Variants in PHACTR1 observed in about 807,000 individuals in gnomAD.
PHACTR1 encodes the protein phosphatase and actin regulator 1, also known as RPEL repeat containing 1.
Under a neutral mutation model 69.2 loss-of-function variants are expected in PHACTR1, and 16 were observed. That is an observed-to-expected ratio of 0.23 (90% CI 0.16 to 0.35). PHACTR1 has a LOEUF of 0.35. Ranked by LOEUF, PHACTR1 falls within the 10% of genes least tolerant of loss-of-function variation. PHACTR1 has a pLI of 1.00. For missense variants in PHACTR1, 510 were observed against 734.7 expected (o/e 0.69, Z 3.54); for synonymous variants, 312 against 284.5 (o/e 1.10, Z -0.97).
intron 4 of PHACTR1, among the ~76,000 whole-genome samples, chr6:12,858,818 A>G (rs1248186318): frequency 2.0e-5 from 3 of 151,930 alleles, no homozygotes; most frequent in Admixed American, 2.0e-4. Context: ...ACACACACAC[A>G]CACACACACC....
At chr6:12,954,563 T>C (rs1323256886) in intron 4 of PHACTR1, among the ~76,000 whole-genome samples, 2 of 151,886 alleles carry the variant, frequency 1.3e-5, no homozygotes, top group African/African-American at 4.8e-5. Context: ...AGAGAGAGGA[T>C]GTGTAGAAAG....
chr6:13,167,858 C>T (rs978325146), intron 6 of PHACTR1, among the ~76,000 whole-genome samples: 19 of 152,256 alleles, frequency 1.2e-4, no homozygotes, highest in African/African-American at 4.3e-4. Flanking sequence ...TCGCATTTTT[C>T]GTCTTCTGAC....
At chr6:13,251,774 TG>T (rs879882937) in intron 10 of PHACTR1, among the ~76,000 whole-genome samples, 9,339 of 151,958 alleles carry the variant, frequency 0.061, 522 homozygotes, top group African/African-American at 0.15. Context: ...GAAGAATTAG[TG>T]AAAAATCATT....
At chr6:12,833,951 A>G (rs1426987390) in intron 4 of PHACTR1, among the ~76,000 whole-genome samples, 1 of 152,094 alleles carries the variant, frequency 6.6e-6, no homozygotes, top group African/African-American at 2.4e-5. Flanking sequence ...ATTATCCTGT[A>G]GCTGCATCGT....
chr6:13,162,922 A>T lies in PHACTR1; in HGVS notation c.496+2638A>T, dbSNP rs1187387126. On this transcript the variant is annotated intron_variant, in intron 6 of 14. Coordinates refer to ENST00000332995, the MANE Select transcript of PHACTR1 (RefSeq NM_030948.6). ...CACTTGCTTCTTTCTCCATCAGCAC[A>T]CATGGAGCTGACACAGGACCTGCAC... is the stretch of plus-strand genomic sequence containing the variant. Among the ~76,000 whole-genome samples, 3 of 152,064 alleles carry T rather than the reference A, an allele frequency of 2.0e-5. No individual in the cohort carries two copies. The East Asian group carries it at 5.8e-4, about 29-fold the overall frequency.
At chr6:13,199,075 G>A (rs1275731843) in intron 7 of PHACTR1, among the ~76,000 whole-genome samples, 3 of 152,228 alleles carry the variant, frequency 2.0e-5, no homozygotes, top group East Asian at 1.9e-4. Flanking sequence ...CCCTAATGAG[G>A]CTGATGGAAA....
rs369819375 is a variant in PHACTR1 at position 12,787,233 on chromosome 6, G to C, written c.250+37443G>C. Among the ~76,000 whole-genome samples, 37 of 152,310 alleles carry C rather than the reference G, an allele frequency of 2.4e-4. No individual in the cohort carries two copies. The South Asian group carries it at 5.4e-3, about 22-fold the overall frequency. ...AATGCCAGTCTTTTCCATTGAAAAGGTTGCTGTTTTAAAGTTAGAACTTCT... is the reference window on the plus strand; with the variant it reads ...AATGCCAGTCTTTTCCATTGAAAAGCTTGCTGTTTTAAAGTTAGAACTTCT... On this transcript the variant is annotated intron_variant, in intron 4 of 14. Coordinates refer to ENST00000332995, the MANE Select transcript of PHACTR1 (RefSeq NM_030948.6).
At chr6:12,949,353 G>A (rs573024052) in intron 4 of PHACTR1, among the ~76,000 whole-genome samples, 11 of 151,622 alleles carry the variant, frequency 7.3e-5, no homozygotes, top group Middle Eastern at 6.9e-3. Context: ...CCACAGTGGA[G>A]ATACAACCTA....
chr6:13,182,438 A>T, intron 6 of PHACTR1, 81 bp from the exon 7 acceptor site: 1 of 1,457,624 alleles, frequency 6.9e-7, no homozygotes, highest in Non-Finnish European at 9.6e-7. Context: ...AGCAGCATCT[A>T]GACTCAGCAG....
At chr6:13,167,224 C>T (rs1452885597) in intron 6 of PHACTR1, among the ~76,000 whole-genome samples, 2 of 152,206 alleles carry the variant, frequency 1.3e-5, no homozygotes, top group Non-Finnish European at 2.9e-5. Context: ...ATTGCTATTA[C>T]TGGCTGTTGC....
chr6:12,922,307 T>C (rs907949297), intron 4 of PHACTR1, among the ~76,000 whole-genome samples: 3 of 152,326 alleles, frequency 2.0e-5, no homozygotes, highest in Admixed American at 1.3e-4. Context: ...TTGAGGGTAA[T>C]GTTTAGCAAA....
At chr6:12,865,595 G>A (rs763493589) in intron 4 of PHACTR1, among the ~76,000 whole-genome samples, 1 of 152,242 alleles carries the variant, frequency 6.6e-6, no homozygotes, top group East Asian at 1.9e-4. Context: ...GCAGTGGCGT[G>A]CTCAGTAGTC....
rs11756942 is a variant in PHACTR1, at chr6:13,255,390, T to C, written c.1392-17470T>C. ...TGGGTAGGGACACAGATCCAAACCA[T>C]ATCATTCTGCCCCTGGCGCCTCCCA... On this transcript the variant is annotated intron_variant, in intron 10 of 14. Coordinates refer to ENST00000332995, the MANE Select transcript of PHACTR1 (RefSeq NM_030948.6). Among the ~76,000 whole-genome samples the C allele has an allele frequency of 5.3e-3, 806 of 152,248 alleles. 9 individuals carry two copies. Among genetic ancestry groups the C allele is most frequent in the African/African-American group, 0.017 (719 of 41,556 alleles).
In PHACTR1 at chr6:12,757,973, G is replaced by A. The variant is rs148489354; in HGVS notation, c.250+8183G>A. 5.9e-5 allele frequency among the ~76,000 whole-genome samples: 9 copies of A among 152,216 alleles called. No individual in the cohort carries two copies. In the East Asian group the frequency reaches 7.7e-4, roughly 13 times the overall value. ...CTAAAATACAAAAAATCAGTCTGAC[G>A]TGGTGGTGTGTACCTGCAGTCCCAG... On this transcript the variant is annotated intron_variant, in intron 4 of 14. Coordinates refer to ENST00000332995, the MANE Select transcript of PHACTR1 (RefSeq NM_030948.6).
intron 1 of PHACTR1, 97 bp downstream of exon 1, chr6:12,716,993 C>G (rs1048035975): frequency 6.6e-6 from 1 of 152,044 alleles, no homozygotes; most frequent in Non-Finnish European, 1.5e-5. Flanking sequence ...GTGGGGATCT[C>G]CCACAAAATC....
intron 4 of PHACTR1, among the ~76,000 whole-genome samples, chr6:12,802,058 T>C (rs558065958): frequency 9.8e-5 from 14 of 142,830 alleles, no homozygotes; most frequent in Non-Finnish European, 1.9e-4. Flanking sequence ...ATATGCCCTT[T>C]AAGTCATAGG....
chr6:13,000,349 A>T (rs962266428), intron 4 of PHACTR1, among the ~76,000 whole-genome samples: 6 of 152,120 alleles, frequency 3.9e-5, no homozygotes, highest in African/African-American at 1.4e-4. Context: ...GGAGTTCAAG[A>T]CTAGCCTGGG....
intron 5 of PHACTR1, among the ~76,000 whole-genome samples, chr6:13,084,967 AGC>A (rs1432814928): frequency 6.6e-6 from 1 of 152,162 alleles, no homozygotes; most frequent in Non-Finnish European, 1.5e-5. Flanking sequence ...TATGGCAATT[AGC>A]GTAGAATAAA....
intron 5 of PHACTR1, among the ~76,000 whole-genome samples, chr6:13,075,310 G>A (rs1381046197): frequency 1.3e-5 from 2 of 152,130 alleles, no homozygotes; most frequent in Admixed American, 6.6e-5. Context: ...CCCCAAGGTC[G>A]CGTGGCTCTT....
Sources: gnomAD v4.1 joint callset for allele counts (sites outside exome capture counted in the v4.1 genomes callset) on GRCh38, gnomAD v4.1.1 for gene constraint, MANE v1.5 for transcripts, NCBI Gene and HGNC (gene_info 2026-07-23, HGNC 2026-07-21) for gene names.